CUL3: variants seen among roughly 807,000 people sequenced by gnomAD.
The protein encoded by CUL3 is cullin-3.
CUL3 carries 19 observed loss-of-function variants against 89.1 expected under a neutral mutation model. The observed-to-expected ratio is 0.21, with a 90% confidence interval of 0.15 to 0.31. The LOEUF (loss-of-function observed/expected upper bound fraction) is 0.31, where lower values mean the gene tolerates loss of function less well. CUL3 is among the 10% of genes least tolerant of loss of function. The pLI is 1.00. For missense variants in CUL3, 469 were observed against 942.3 expected, an observed-to-expected ratio of 0.50 and a Z score of 6.58; for synonymous variants, 351 against 308.4, an observed-to-expected ratio of 1.14 and a Z score of -1.45.
intron 13 of CUL3, among the ~76,000 whole-genome samples, chr2:224,486,347 A>G (rs1474187915): frequency 1.3e-5 from 2 of 152,152 alleles, no homozygotes; most frequent in East Asian, 1.9e-4. Context: ...AACCCTAAGA[A>G]GCTAAGAAGC....
Position 224,478,274 on chromosome 2 carries a change from GT to G in CUL3, c.2100del (p.Lys700AsnfsTer4). 6.2e-7 allele frequency: 1 copy of G among 1,613,666 alleles called. No homozygotes were observed. Among genetic ancestry groups the G allele is most frequent in the Non-Finnish European group, 8.5e-7 (1 of 1,179,768 alleles). On this transcript the variant is annotated frameshift_variant, in exon 15 of 16. Transcript: ENST00000264414. LOFTEE classifies it high-confidence loss of function. Reference sequence around the variant, plus strand: ...CGCACTATAGCAGCTTCTATCTCATGTTTTCTGTCGTCGTCTACTTTCTGCC... The same window carrying G: ...CGCACTATAGCAGCTTCTATCTCATGTTTCTGTCGTCGTCTACTTTCTGCC... ...ETRQKVDDDR[K>X]HEIEAAIVRI...
At chr2:224,575,503 G>C (rs1296560596) in intron 1 of CUL3, among the ~76,000 whole-genome samples, 4 of 152,130 alleles carry the variant, frequency 2.6e-5, no homozygotes, top group African/African-American at 7.2e-5. Flanking sequence ...ACCATGGCTT[G>C]GGAGAATAAA....
rs558657318 is a variant in CUL3 at position 224,542,963 on chromosome 2, A to G, written c.265-7322T>C. On this transcript the variant is annotated intron_variant, in intron 2 of 15. Coordinates refer to ENST00000264414, the MANE Select transcript of CUL3 (RefSeq NM_003590.5). The stretch of plus-strand genomic sequence containing the variant: ...CCAGCAGCTCTTGGGCTAGCTGGAG[A>G]GCTGAAGGACATAATGTGCACAGTT... Among the ~76,000 whole-genome samples, 14 of 152,260 alleles carry G rather than the reference A, an allele frequency of 9.2e-5. 1 individual carries two copies. In the South Asian group the frequency reaches 2.7e-3, roughly 29 times the overall value.
At chr2:224,551,748 G>A (rs1349617560) in intron 2 of CUL3, among the ~76,000 whole-genome samples, 3 of 152,148 alleles carry the variant, frequency 2.0e-5, no homozygotes, top group Non-Finnish European at 4.4e-5. Flanking sequence ...CTGAGGAGCT[G>A]TGCCTGAGAA....
In CUL3 at chr2:224,511,551, C is replaced by T. The variant is rs1238135342; in HGVS notation, c.686G>A (p.Ser229Asn). Residue 229 changes from serine (S) to asparagine (N), a missense_variant, in exon 6 of 16, where the codon AGT becomes AAT. Ser to Asn is a conservative substitution (Grantham distance 46). Around this residue, in one of 4 missense-constraint regions of CUL3, gnomAD observed 370 missense variants for 733.2 expected, o/e 0.50. Transcript: ENST00000264414. ...TACTTTCTTTATATATACTGAAGCA[C>T]TATTTTCTGCTAAAAATTTCTGGCT... Reference protein sequence around the residue: ...MESQKFLAENSASVYIKKVEA... With the variant: ...MESQKFLAENNASVYIKKVEA... The T allele has an allele frequency of 3.8e-6, 6 of 1,585,952 alleles. No homozygotes were observed. Among genetic ancestry groups the T allele is most frequent in the East Asian group, 2.3e-5 (1 of 44,212 alleles).
chr2:224,528,825 T>C (rs1429177135), intron 3 of CUL3, among the ~76,000 whole-genome samples: 1 of 152,120 alleles, frequency 6.6e-6, no homozygotes, highest in Non-Finnish European at 1.5e-5. Context: ...CAGAATAATT[T>C]GCAGAACACC....
Position 224,478,236 on chromosome 2 carries a change from A to T in CUL3, c.2139T>A (p.Ser713=), listed in dbSNP as rs774418715. Residue 713 remains serine, a synonymous_variant, in exon 15 of 16, where the codon TCT becomes TCA. Coordinates refer to ENST00000264414, the MANE Select transcript of CUL3 (RefSeq NM_003590.5). The part of the protein sequence containing the change: ...IEAAIVRIMK[S]RKKMQHNVLV... ...GAACATTGTGCTGCATCTTCTTTCTAGATTTCATTATCCGCACTATAGCAG... is the reference window on the plus strand; with the variant it reads ...GAACATTGTGCTGCATCTTCTTTCTTGATTTCATTATCCGCACTATAGCAG... The T allele has an allele frequency of 1.2e-6, 2 of 1,613,372 alleles. No individual in the cohort carries two copies. The highest frequency in any genetic ancestry group is 2.2e-5 in the South Asian group (2 of 90,930).
intron 10 of CUL3, among the ~76,000 whole-genome samples, chr2:224,501,218 G>C (rs1692374652): frequency 6.6e-6 from 1 of 152,010 alleles, no homozygotes; most frequent in African/African-American, 2.4e-5. Context: ...TAATATTCCA[G>C]CACCTATTTC....
In CUL3 at chr2:224,524,009, T is replaced by C. The variant is rs145882209; in HGVS notation, c.379-9237A>G. Among the ~76,000 whole-genome samples, 23 of 152,226 alleles carry C rather than the reference T, an allele frequency of 1.5e-4. No homozygotes were observed. In the East Asian group the frequency reaches 4.4e-3, roughly 29 times the overall value. On this transcript the variant is annotated intron_variant, in intron 3 of 15. Transcript: ENST00000264414. The stretch of plus-strand genomic sequence containing the variant: ...TGGTGGTGACAGCTCTGTACAACAA[T>C]GTGAACGTACACTTAATAGCTCTGA...
chr2:224,564,176 C>T (rs1694983243), intron 1 of CUL3, among the ~76,000 whole-genome samples: 1 of 152,114 alleles, frequency 6.6e-6, no homozygotes, highest in East Asian at 1.9e-4. Flanking sequence ...ATCTCAGCTA[C>T]TTGGGAGGCT....
At chr2:224,486,635 C>G (rs1317442701) in intron 13 of CUL3, among the ~76,000 whole-genome samples, 2 of 152,158 alleles carry the variant, frequency 1.3e-5, no homozygotes, top group Non-Finnish European at 2.9e-5. Context: ...ACCAAACCTA[C>G]GTTTGACTGG....
intron 7 of CUL3, among the ~76,000 whole-genome samples, chr2:224,506,461 G>A (rs1011588789): frequency 6.6e-6 from 1 of 152,156 alleles, no homozygotes; most frequent in African/African-American, 2.4e-5. Flanking sequence ...AGCTGATTAT[G>A]TTAAAACACA....
intron 6 of CUL3, 98 bp from the exon 7 acceptor site, chr2:224,507,101 A>C (rs1692630705): frequency 9.3e-7 from 1 of 1,073,466 alleles, no homozygotes; most frequent in Admixed American, 3.0e-5. Flanking sequence ...TTATTTCTCC[A>C]TTACCCCCAT....
intron 12 of CUL3, among the ~76,000 whole-genome samples, chr2:224,496,722 G>A (rs1201940990): frequency 2.6e-5 from 4 of 151,714 alleles, no homozygotes; most frequent in Non-Finnish European, 4.4e-5. Context: ...GAGGAGGGGG[G>A]AACTGCCATT....
At chr2:224,542,599 G>A (rs1416736205) in intron 2 of CUL3, among the ~76,000 whole-genome samples, 3 of 152,048 alleles carry the variant, frequency 2.0e-5, no homozygotes, top group Non-Finnish European at 4.4e-5. Flanking sequence ...GTAGGTAAGG[G>A]GTCTTACTGT....
intron 3 of CUL3, among the ~76,000 whole-genome samples, chr2:224,520,964 G>A (rs551836793): frequency 6.6e-6 from 1 of 152,174 alleles, no homozygotes; most frequent in East Asian, 1.9e-4. Flanking sequence ...CCTATGCAAA[G>A]TCAAGGGGTG....
intron 2 of CUL3, among the ~76,000 whole-genome samples, chr2:224,541,717 C>A (rs923050996): frequency 2.2e-4 from 34 of 151,800 alleles, no homozygotes; most frequent in African/African-American, 7.8e-4. Context: ...AGAGTATCAG[C>A]CATAAAAGGG....
chr2:224,567,414 G>A (rs1695068466), intron 1 of CUL3, among the ~76,000 whole-genome samples: 1 of 152,070 alleles, frequency 6.6e-6, no homozygotes, highest in East Asian at 1.9e-4. Context: ...AGAGATGGGG[G>A]TCTTGCTTTG....
At chr2:224,513,178 T>G (rs1692905455) in intron 5 of CUL3, among the ~76,000 whole-genome samples, 1 of 152,204 alleles carries the variant, frequency 6.6e-6, no homozygotes, top group Non-Finnish European at 1.5e-5. Flanking sequence ...CTGTAAGGTT[T>G]TCAGTCAATA....
Sources: allele counts gnomAD v4.1 joint callset (sites outside exome capture counted in the v4.1 genomes callset), GRCh38; gene constraint gnomAD v4.1.1; regional missense constraint gnomAD v4.1.1; transcripts MANE v1.5; gene names NCBI Gene and HGNC (gene_info 2026-07-23, HGNC 2026-07-21).